NRG3: variants seen among roughly 807,000 people sequenced by gnomAD.
NRG3 encodes the protein neuregulin 3, also known as pro-neuregulin-3, membrane-bound isoform.
Under a neutral mutation model 66.9 loss-of-function variants are expected in NRG3, and 31 were observed. The ratio of observed to expected loss-of-function variants is 0.46; its 90% CI spans 0.35 to 0.63. The LOEUF is 0.63. NRG3 is among the 20% of genes least tolerant of loss of function. NRG3 has a pLI of 0.00. For synonymous variants in NRG3, 393 were observed against 359.4 expected (o/e 1.09, Z -1.06); for missense variants, 910 against 878.9 (o/e 1.04, Z -0.45).
chr10:82,110,278 A>C (rs989372610), intron 1 of NRG3, among the ~76,000 whole-genome samples: 4 of 152,174 alleles, frequency 2.6e-5, no homozygotes, highest in Non-Finnish European at 5.9e-5. Context: ...GGCCTGATGA[A>C]GGAAAGAAAT....
intron 1 of NRG3, among the ~76,000 whole-genome samples, chr10:81,934,702 A>AT (rs1318364199): frequency 6.6e-6 from 1 of 152,034 alleles, no homozygotes. Context: ...GGGATTTGCA[A>AT]TTTTTTGCTA....
chr10:82,633,673 A>T (rs533844570), intron 2 of NRG3, among the ~76,000 whole-genome samples: 19 of 152,304 alleles, frequency 1.2e-4, no homozygotes, highest in Non-Finnish European at 2.4e-4. Context: ...AGGACTTTCT[A>T]CCAGCTTATT....
At chr10:82,756,837 A>G (rs1417675946) in intron 3 of NRG3, among the ~76,000 whole-genome samples, 4 of 145,144 alleles carry the variant, frequency 2.8e-5, no homozygotes. Context: ...TTTTTTTCTT[A>G]TTTGGAAAAA....
chr10:82,080,701 T>TC (rs2065342920), intron 1 of NRG3, among the ~76,000 whole-genome samples: 1 of 152,178 alleles, frequency 6.6e-6, no homozygotes, highest in Non-Finnish European at 1.5e-5. Flanking sequence ...TTTTTCTTTT[T>TC]TTTGTTTTAA....
chr10:81,942,775 C>G (rs1848509668), intron 1 of NRG3, among the ~76,000 whole-genome samples: 1 of 152,052 alleles, frequency 6.6e-6, no homozygotes, highest in Non-Finnish European at 1.5e-5. Context: ...CACATAAGGA[C>G]TACGAGGACA....
chr10:81,878,198 G>A lies in NRG3; in HGVS notation c.823+2035G>A, dbSNP rs879219196. 4.2e-6 allele frequency: 4 copies of A among 954,962 alleles called. No individual in the cohort carries two copies. The South Asian group carries it at 5.5e-5, about 13-fold the overall frequency. The allele number at this position is 954,962 out of a possible 1,614,324, so 59.2% of individuals were successfully genotyped here. A position where few individuals can be genotyped will look rare whatever the true frequency, so the allele number is the denominator to read the frequency against. ...TATTGACAGGGCCCTCAGCCCCAAG[G>A]AAAAGAGGGGAAAAATCTGTAAATG... On this transcript the variant is annotated intron_variant, in intron 1 of 8. Coordinates refer to ENST00000372141, the MANE Select transcript of NRG3 (RefSeq NM_001010848.4).
intron 1 of NRG3, among the ~76,000 whole-genome samples, chr10:81,881,448 C>T (rs1842173508): frequency 1.3e-5 from 2 of 152,080 alleles, no homozygotes; most frequent in South Asian, 4.1e-4. Flanking sequence ...AGCTAATGGT[C>T]ATTTCTTTTC....
intron 2 of NRG3, among the ~76,000 whole-genome samples, chr10:82,640,920 G>A (rs1013661250): frequency 3.3e-5 from 5 of 151,472 alleles, no homozygotes; most frequent in Admixed American, 6.6e-5. Flanking sequence ...CAACTTGTAC[G>A]ATTTGATAGG....
At chr10:82,457,420 G>T (rs2091316285) in intron 2 of NRG3, among the ~76,000 whole-genome samples, 1 of 152,138 alleles carries the variant, frequency 6.6e-6, no homozygotes, top group Non-Finnish European at 1.5e-5. Context: ...ATCTGATGCT[G>T]TTGCTGATCT....
At position 81,972,222 on chromosome 10, in the gene NRG3, A is replaced by T. The variant is rs1286971340; in HGVS notation, c.823+96059A>T. Among the ~76,000 whole-genome samples the T allele has an allele frequency of 2.0e-5, 3 of 152,212 alleles. No individual in the cohort carries two copies. In the East Asian group the frequency reaches 5.8e-4, roughly 29 times the overall value. Reference sequence around the variant, plus strand: ...TAATGTAAGTACATTCTATGAAGGAAATTAAAGAATATCTATAGGAATACA... The same window carrying T: ...TAATGTAAGTACATTCTATGAAGGATATTAAAGAATATCTATAGGAATACA... On this transcript the variant is annotated intron_variant, in intron 1 of 8. Coordinates refer to ENST00000372141, the MANE Select transcript of NRG3 (RefSeq NM_001010848.4).
chr10:81,953,515 A>G (rs1034481382), intron 1 of NRG3, among the ~76,000 whole-genome samples: 1 of 152,192 alleles, frequency 6.6e-6, no homozygotes, highest in Non-Finnish European at 1.5e-5. Flanking sequence ...CTTGTGAATC[A>G]CCAAGTCCAT....
At chr10:82,080,202 C>A (rs984426691) in intron 1 of NRG3, among the ~76,000 whole-genome samples, 8 of 152,088 alleles carry the variant, frequency 5.3e-5, no homozygotes, top group African/African-American at 1.9e-4. Context: ...CATGACACCT[C>A]CTTATACTAT....
chr10:82,000,350 T>A (rs2061114272), intron 1 of NRG3, among the ~76,000 whole-genome samples: 1 of 152,144 alleles, frequency 6.6e-6, no homozygotes, highest in Non-Finnish European at 1.5e-5. Context: ...CAAGGTCATG[T>A]ATACAGCTGC....
intron 2 of NRG3, among the ~76,000 whole-genome samples, chr10:82,422,626 A>G (rs1265916285): frequency 6.9e-6 from 1 of 145,866 alleles, no homozygotes; most frequent in Non-Finnish European, 1.5e-5. Flanking sequence ...GTAACATACA[A>G]CATTGTTTTT....
rs530453428 is a variant in NRG3 at position 82,509,504 on chromosome 10, C to G, written c.953+150636C>G. ...TACAAGGATAAGACATGGGCACAAG[C>G]CAGTCAGAATGCATGCCTCAACAAA... is the stretch of plus-strand genomic sequence containing the variant. On this transcript the variant is annotated intron_variant, in intron 2 of 8. Coordinates refer to ENST00000372141, the MANE Select transcript of NRG3 (RefSeq NM_001010848.4). Among the ~76,000 whole-genome samples, 8 of 152,276 alleles carry G rather than the reference C, an allele frequency of 5.3e-5. No individual in the cohort carries two copies. The East Asian group carries it at 1.5e-3, about 29-fold the overall frequency.
chr10:82,825,279 T>C (rs2062148087), intron 3 of NRG3, among the ~76,000 whole-genome samples: 1 of 152,220 alleles, frequency 6.6e-6, no homozygotes, highest in South Asian at 2.1e-4. Context: ...TATGGATTTA[T>C]TTCTAAGAGT....
At chr10:82,330,329 C>T (rs948161814) in intron 1 of NRG3, among the ~76,000 whole-genome samples, 1 of 151,970 alleles carries the variant, frequency 6.6e-6, no homozygotes, top group East Asian at 1.9e-4. Context: ...GTCATTTTTG[C>T]TATATTTACC....
At chr10:82,683,206 C>T (rs953138145) in intron 2 of NRG3, among the ~76,000 whole-genome samples, 31 of 152,014 alleles carry the variant, frequency 2.0e-4, no homozygotes, top group Non-Finnish European at 3.4e-4. Context: ...CCACCCGCCT[C>T]GGCCTCCCAA....
intron 2 of NRG3, among the ~76,000 whole-genome samples, chr10:82,419,147 C>G (rs1301392737): frequency 6.6e-6 from 1 of 151,924 alleles, no homozygotes; most frequent in African/African-American, 2.4e-5. Flanking sequence ...GCTGAGCTAC[C>G]CTGAGCTTAG....
Sources: gnomAD v4.1 joint callset for allele counts (sites outside exome capture counted in the v4.1 genomes callset) on GRCh38, gnomAD v4.1.1 for gene constraint, MANE v1.5 for transcripts, NCBI Gene and HGNC (gene_info 2026-07-23, HGNC 2026-07-21) for gene names.